Variants in OSBP observed in about 807,000 individuals in gnomAD.
OSBP encodes oxysterol binding protein, also known as oxysterol-binding protein 1.
In OSBP, 32 loss-of-function variants were observed where a neutral mutation model predicts 96.6. The observed-to-expected ratio is 0.33, with a 90% CI of 0.25 to 0.45. The LOEUF (loss-of-function observed/expected upper bound fraction) is 0.45, where lower values mean the gene tolerates loss of function less well. Ranked by LOEUF, OSBP falls within the 20% of genes least tolerant of loss-of-function variation. The pLI, the probability that OSBP is intolerant of heterozygous loss-of-function variation, is 1.00. For synonymous variants in OSBP, 369 were observed against 389.6 expected (o/e 0.95, Z 0.62); for missense variants, 653 against 1,029.7 (o/e 0.63, Z 5.01).
intron 1 of OSBP, among the ~76,000 whole-genome samples, chr11:59,612,289 C>T (rs914793069): frequency 6.6e-6 from 1 of 152,114 alleles, no homozygotes; most frequent in Non-Finnish European, 1.5e-5. Context: ...AACATGAATC[C>T]GTTTTTTCTA....
At chr11:59,608,785 T>G (rs759467856) in intron 2 of OSBP, 51 bp from the exon 3 acceptor site, 2 of 1,580,414 alleles carry the variant, frequency 1.3e-6, no homozygotes, top group South Asian at 1.1e-5. Flanking sequence ...GGAGTGACAG[T>G]TGGAACCCTA....
At chr11:59,601,410 T>C (rs774944957) in intron 4 of OSBP, 25 bp from the exon 5 acceptor site, 2 of 1,523,570 alleles carry the variant, frequency 1.3e-6, no homozygotes, top group Non-Finnish European at 1.8e-6. Context: ...GCCCCATTTG[T>C]TGACTTTGGT....
At chr11:59,598,717 G>GT (rs1258137410) in intron 7 of OSBP, among the ~76,000 whole-genome samples, 2 of 152,098 alleles carry the variant, frequency 1.3e-5, no homozygotes. Context: ...ACCCTCCCGA[G>GT]TATCTGGGAC....
Position 59,608,501 on chromosome 11 carries a change from A to AG in OSBP, c.804_805insC (p.Ser269LeufsTer19). On this transcript the variant is annotated frameshift_variant, in exon 3 of 14. Coordinates refer to ENST00000263847, the MANE Select transcript of OSBP (RefSeq NM_002556.3). LOFTEE classifies it high-confidence loss of function. ...GCACTCACGTTGATCATGGCATTGG[A>AG]TGTTATCCTAAAGAGTGTGGCTCGT... 1 of 1,614,148 alleles carries AG rather than the reference A, an allele frequency of 6.2e-7. No individual in the cohort carries two copies. The highest frequency in any genetic ancestry group is 8.5e-7 in the Non-Finnish European group (1 of 1,180,026).
chr11:59,591,903 G>A (rs1342697127), intron 9 of OSBP, among the ~76,000 whole-genome samples: 1 of 152,176 alleles, frequency 6.6e-6, no homozygotes, highest in Non-Finnish European at 1.5e-5. Context: ...TTACAGGCAT[G>A]AGCCACCACA....
intron 1 of OSBP, among the ~76,000 whole-genome samples, chr11:59,611,150 A>G (rs867104768): frequency 1.1e-4 from 16 of 150,608 alleles, no homozygotes; most frequent in East Asian, 7.7e-4. Flanking sequence ...AAAAAAAAAA[A>G]AAAGAAAGAA....
At chr11:59,587,037 T>TA (rs1397688114) in intron 9 of OSBP, among the ~76,000 whole-genome samples, 3 of 151,830 alleles carry the variant, frequency 2.0e-5, no homozygotes, top group South Asian at 2.1e-4. Flanking sequence ...TCCTGAACAT[T>TA]AAAAAAAATT....
At chr11:59,580,053 A>G (rs971789671) in intron 11 of OSBP, 121 bp downstream of exon 11, 1 of 734,018 alleles carries the variant, frequency 1.4e-6, no homozygotes, top group African/African-American at 1.8e-5. Flanking sequence ...GTACACATAC[A>G]CTATATAAAA....
rs542667157 is a variant in OSBP at position 59,591,243 on chromosome 11, A to G, written c.1678+2361T>C. On this transcript the variant is annotated intron_variant, in intron 9 of 13. Transcript: ENST00000263847. ...ACAAATTACTAAAAATTAGAAAAAA[A>G]ATTAGATCCACCATCTATACCATGT... Among the ~76,000 whole-genome samples, 204 of 152,346 alleles carry G rather than the reference A, an allele frequency of 1.3e-3. 1 individual carries two copies. The highest frequency in any genetic ancestry group is 4.6e-3 in the African/African-American group (192 of 41,586).
At position 59,594,186 on chromosome 11, in the gene OSBP, C is replaced by A; in HGVS notation, c.1381G>T (p.Asp461Tyr). The change falls in exon 8 of 14, where the codon GAC (aspartate) becomes TAC (tyrosine). Residue 461 changes from aspartate to tyrosine, a missense_variant. Coordinates refer to ENST00000263847, the MANE Select transcript of OSBP (RefSeq NM_002556.3). ...GAATTCTCACATTTTGCAGCTCGGT[C>A]TAACAGCTCATGGTATTCCAGATCT... The part of the protein sequence containing the change: ...TEDLEYHELL[D>Y]RAAKCENSLE... 1 of 1,614,130 alleles carries A rather than the reference C, an allele frequency of 6.2e-7. No homozygotes were observed. Among genetic ancestry groups the A allele is most frequent in the South Asian group, 1.1e-5 (1 of 91,064 alleles).
Position 59,600,622 on chromosome 11 carries a change from C to T in OSBP, c.1185G>A (p.Lys395=). The T allele has an allele frequency of 6.2e-7, 1 of 1,613,724 alleles. No homozygotes were observed. Among genetic ancestry groups the T allele is most frequent in the Non-Finnish European group, 8.5e-7 (1 of 1,179,942 alleles). ...CCTTTTTGGTCTCCTCCAGCTGATG[C>T]TTGTACTGAGAGCAAAACAAAGCCA... The part of the protein sequence containing the change: ...SSDISLDEQY[K]HQLEETKKEK... Residue 395 remains lysine (K), a synonymous_variant, in exon 7 of 14, where the codon AAG becomes AAA. Transcript: ENST00000263847.
At position 59,610,441 on chromosome 11, in the gene OSBP, G is replaced by A. The variant is rs757845623; in HGVS notation, c.511C>T (p.Arg171Cys). The change falls in exon 2 of 14, where the codon CGC becomes TGC. Residue 171 changes from arginine to cysteine, a missense_variant. Physicochemically the swap from Arg to Cys is radical, Grantham distance 180. Transcript: ENST00000263847. Reference sequence around the variant, plus strand: ...GCCAGTTCCAGGGCCGTCACCCAGCGCTGCCGCTCAACTTCTGAACTAGCT... The same window carrying A: ...GCCAGTTCCAGGGCCGTCACCCAGCACTGCCGCTCAACTTCTGAACTAGCT... ...LKASSEVERQ[R>C]WVTALELAKA... is the part of the protein sequence containing the mutation. The A allele has an allele frequency of 5.6e-6, 9 of 1,613,916 alleles. No homozygotes were observed. In the Admixed American group the frequency reaches 1.0e-4, roughly 18 times the overall value.
chr11:59,578,434 T>C, intron 11 of OSBP, 104 bp from the exon 12 acceptor site: 5 of 1,107,088 alleles, frequency 4.5e-6, no homozygotes, highest in Admixed American at 2.1e-5. Flanking sequence ...GGTCCTGTTA[T>C]AACAAACACC....
intron 9 of OSBP, among the ~76,000 whole-genome samples, chr11:59,587,761 T>G (rs967998831): frequency 1.3e-5 from 2 of 152,366 alleles, no homozygotes; most frequent in Admixed American, 6.5e-5. Flanking sequence ...GACAGTATGG[T>G]AGTTTGCTCA....
At chr11:59,592,163 G>C (rs1860592399) in intron 9 of OSBP, among the ~76,000 whole-genome samples, 1 of 152,198 alleles carries the variant, frequency 6.6e-6, no homozygotes, top group South Asian at 2.1e-4. Flanking sequence ...TAATACTTCT[G>C]AAATTGTTAG....
At chr11:59,594,422 A>G (rs1309335668) in intron 7 of OSBP, among the ~76,000 whole-genome samples, 167 bp from the exon 8 acceptor site, 1 of 152,192 alleles carries the variant, frequency 6.6e-6, no homozygotes, top group Non-Finnish European at 1.5e-5. Context: ...TCAACTGTTC[A>G]TGTCTGTGAG....
At chr11:59,584,431 G>A (rs1020122570) in intron 9 of OSBP, among the ~76,000 whole-genome samples, 1 of 152,126 alleles carries the variant, frequency 6.6e-6, no homozygotes, top group Admixed American at 6.5e-5. Context: ...ATATTAAAAG[G>A]ATTATACACC....
chr11:59,612,153 T>A (rs1017710323), intron 1 of OSBP, among the ~76,000 whole-genome samples: 5 of 152,208 alleles, frequency 3.3e-5, no homozygotes, highest in African/African-American at 1.2e-4. Flanking sequence ...TTTGAGAAAG[T>A]CTGGAAGACA....
chr11:59,586,178 G>GAAAAAAAAAAAAAAAAAAAAAA (rs34764421), intron 9 of OSBP, among the ~76,000 whole-genome samples: 1 of 60,388 alleles, frequency 1.7e-5, no homozygotes, highest in African/African-American at 5.8e-5. Flanking sequence ...AATAAATAAA[G>GAAAAAAAAAAAAAAAAAAAAAA]AAAAAAAAAA....
Sources: gnomAD v4.1 joint callset for allele counts (sites outside exome capture counted in the v4.1 genomes callset) on GRCh38, gnomAD v4.1.1 for gene constraint, MANE v1.5 for transcripts, NCBI Gene and HGNC (gene_info 2026-07-23, HGNC 2026-07-21) for gene names.